Variants in ATM observed in about 807,000 individuals in gnomAD.
ATM encodes the protein serine-protein kinase ATM.
In ATM, 308 loss-of-function variants were observed where a neutral mutation model predicts 387.0. The observed-to-expected ratio is 0.80, with a 90% CI of 0.73 to 0.87. The LOEUF (loss-of-function observed/expected upper bound fraction) is 0.87, where lower values mean the gene tolerates loss of function less well. ATM is among the 40% of genes least tolerant of loss of function. The pLI is 0.00. For synonymous variants in ATM, 1,156 were observed against 1,187.3 expected (o/e 0.97, Z 0.54); for missense variants, 3,312 against 3,560.9 (o/e 0.93, Z 1.78).
chr11:108,364,958 T>C, intron 61 of ATM, 124 bp from the exon 62 acceptor site: 1 of 1,067,770 alleles, frequency 9.4e-7, no homozygotes, highest in Non-Finnish European at 1.4e-6. Flanking sequence ...GTGCATGATG[T>C]TTGTTCCCCT....
intron 27 of ATM, 41 bp downstream of exon 27, chr11:108,287,756 C>A (rs1191477044): frequency 7.1e-7 from 1 of 1,400,852 alleles, no homozygotes; most frequent in South Asian, 1.2e-5. Context: ...TCTAACTTCA[C>A]AAGTTTTTAA....
At chr11:108,263,077 G>C (rs548381286) in intron 16 of ATM, among the ~76,000 whole-genome samples, 2 of 151,388 alleles carry the variant, frequency 1.3e-5, no homozygotes, top group East Asian at 3.9e-4. Context: ...ACAGATCAAC[G>C]AGACAGAAAG....
At chr11:108,293,502 AT>A in intron 31 of ATM, 25 bp downstream of exon 31, 1 of 1,569,736 alleles carries the variant, frequency 6.4e-7, no homozygotes. Context: ...ATCATCTACT[AT>A]TTTTTATTAG....
intron 45 of ATM, among the ~76,000 whole-genome samples, chr11:108,323,988 T>C (rs1424559821): frequency 6.6e-6 from 1 of 152,172 alleles, no homozygotes; most frequent in Non-Finnish European, 1.5e-5. Context: ...TTGGGAAGTA[T>C]ACAGTTGAAA....
At chr11:108,331,389 T>C in intron 50 of ATM, 55 bp from the exon 51 acceptor site, 1 of 1,583,654 alleles carries the variant, frequency 6.3e-7, no homozygotes, top group Non-Finnish European at 8.6e-7. Context: ...TGCTTAGATG[T>C]GAGAATATTT....
chr11:108,271,060 T>TGA lies in ATM; in HGVS notation c.2839-4_2839-3insGA, dbSNP rs1385217329. The TGA allele has an allele frequency of 1.2e-6, 2 of 1,612,640 alleles. No individual in the cohort carries two copies. The highest frequency in any genetic ancestry group is 3.3e-5 in the Admixed American group (2 of 60,010). ...CCTGATTTTTTTCCCTCCTACCATC[T>TGA]TAGTATCTAATGCTTTTAAAGGAGC... is the stretch of plus-strand genomic sequence containing the variant. On this transcript the variant is annotated splice_polypyrimidine_tract_variant and splice_region_variant and intron_variant, in intron 18 of 62. Transcript: ENST00000675843.
Position 108,296,344 on chromosome 11 carries a change from G to C in ATM, c.4910-943G>C, listed in dbSNP as rs1277364578. Among the ~76,000 whole-genome samples the C allele has an allele frequency of 6.6e-6, 1 of 151,718 alleles. No homozygotes were observed. Among genetic ancestry groups the C allele is most frequent in the Non-Finnish European group, 1.5e-5 (1 of 67,956 alleles). On this transcript the variant is annotated intron_variant, in intron 32 of 62. Coordinates refer to ENST00000675843, the MANE Select transcript of ATM (RefSeq NM_000051.4). ...CAGCTCACTGCAACCTCCACCTCCTGGGTTCAAGTGATTCTCCTGCCCCAG... is the reference window on the plus strand; with the variant it reads ...CAGCTCACTGCAACCTCCACCTCCTCGGTTCAAGTGATTCTCCTGCCCCAG...
rs768851138 is a variant in ATM, at chr11:108,354,004, C to T, written c.8786+124C>T. ...GCTGAAGTGGGAGGATTGTTTGAGCCCAGGAGTTTGAGTCCAGCCTAGGCA... is the reference window on the plus strand; with the variant it reads ...GCTGAAGTGGGAGGATTGTTTGAGCTCAGGAGTTTGAGTCCAGCCTAGGCA... On this transcript the variant is annotated intron_variant, in intron 60 of 62. Coordinates refer to ENST00000675843, the MANE Select transcript of ATM (RefSeq NM_000051.4). The T allele has an allele frequency of 7.5e-4, 720 of 962,192 alleles. 6 individuals are homozygous for T. The highest frequency in any genetic ancestry group is 2.5e-3 in the South Asian group (187 of 75,912). The allele number at this position is 962,192 out of a possible 1,614,324, so 59.6% of individuals were successfully genotyped here. A position where few individuals can be genotyped will look rare whatever the true frequency, so the allele number is the denominator to read the frequency against.
intron 61 of ATM, among the ~76,000 whole-genome samples, chr11:108,364,388 C>A (rs3092993): frequency 0.11 from 16,167 of 152,126 alleles, 1,205 homozygotes; most frequent in Non-Finnish European, 0.14. Context: ...TCAGAAATTC[C>A]TCATGAACTC....
intron 45 of ATM, 56 bp from the exon 46 acceptor site, chr11:108,325,254 T>C (rs1188927550): frequency 3.0e-6 from 3 of 1,011,024 alleles, no homozygotes; most frequent in Non-Finnish European, 1.4e-6. Context: ...ACATAGTTTT[T>C]TTTTTTTTTT....
chr11:108,304,523 G>T lies in ATM; in HGVS notation c.5497-152G>T. ...ACCACCTAATACATGTTTTTTGTTTGTTTTTTTAGCAGTATGTTGAGTTTA... is the reference window on the plus strand; with the variant it reads ...ACCACCTAATACATGTTTTTTGTTTTTTTTTTTAGCAGTATGTTGAGTTTA... On this transcript the variant is annotated intron_variant, in intron 36 of 62. Transcript: ENST00000675843. 4 of 809,312 alleles carry T rather than the reference G, an allele frequency of 4.9e-6. No homozygotes were observed. In the Admixed American group the frequency reaches 1.1e-4, roughly 22 times the overall value. The allele number at this position is 809,312 out of a possible 1,614,324, so 50.1% of individuals were successfully genotyped here.
At position 108,365,237 on chromosome 11, in the gene ATM, A is replaced by G. The variant is rs1403885730; in HGVS notation, c.8987+19A>G. The G allele has an allele frequency of 6.2e-7, 1 of 1,614,112 alleles. No individual in the cohort carries two copies. The highest frequency in any genetic ancestry group is 1.3e-5 in the African/African-American group (1 of 74,948). On this transcript the variant is annotated intron_variant, in intron 62 of 62. Transcript: ENST00000675843. Reference sequence around the variant, plus strand: ...ATCTCAGGTGAGCAGTATTTTAAGAAGGTCCTGTTGTCAGTTTTTCAGATT... The same window carrying G: ...ATCTCAGGTGAGCAGTATTTTAAGAGGGTCCTGTTGTCAGTTTTTCAGATT...
intron 26 of ATM, chr11:108,287,080 T>C (rs2082530803): frequency 6.5e-6 from 1 of 153,012 alleles, no homozygotes; most frequent in South Asian, 2.1e-4. Flanking sequence ...AAAGGGGATG[T>C]GGATCGCAGC....
intron 23 of ATM, 106 bp downstream of exon 23, chr11:108,279,714 A>G (rs1032527692): frequency 2.0e-5 from 18 of 916,580 alleles, no homozygotes; most frequent in Non-Finnish European, 3.2e-5. Context: ...CCAGTAGTTT[A>G]CAGTATAAAG....
rs2135007841 is a variant in ATM, at chr11:108,227,714, T to A, written c.72+18T>A. 2 of 1,600,480 alleles carry A rather than the reference T, an allele frequency of 1.2e-6. No homozygotes were observed. Among genetic ancestry groups the A allele is most frequent in the African/African-American group, 2.7e-5 (2 of 74,084 alleles). On this transcript the variant is annotated intron_variant, in intron 2 of 62. Coordinates refer to ENST00000675843, the MANE Select transcript of ATM (RefSeq NM_000051.4). ...AACGAAAGGTAGTAAATTACTTAAA[T>A]TCAATTTTTCCTTGAAATAAGTGTG... is the stretch of plus-strand genomic sequence containing the variant.
intron 29 of ATM, 160 bp downstream of exon 29, chr11:108,289,961 T>A (rs1437803242): frequency 7.9e-6 from 5 of 632,690 alleles, no homozygotes; most frequent in Non-Finnish European, 1.1e-5. Flanking sequence ...GGGTTCAGAT[T>A]ATCCTTCCTC....
chr11:108,287,775 A>G (rs1041228959), intron 27 of ATM, 60 bp downstream of exon 27: 4 of 1,189,854 alleles, frequency 3.4e-6, no homozygotes, highest in Non-Finnish European at 3.7e-6. Context: ...AAAGAAGTTT[A>G]TTGGTTGACA....
At chr11:108,353,487 A>C (rs1179931029) in intron 59 of ATM, among the ~76,000 whole-genome samples, 3 of 152,168 alleles carry the variant, frequency 2.0e-5, no homozygotes, top group African/African-American at 7.2e-5. Flanking sequence ...TCCATTTTAA[A>C]TTATACCAGT....
rs764039368 is a variant in ATM at position 108,292,727 on chromosome 11, C to T, written c.4545C>T (p.Asn1515=). 27 of 1,613,858 alleles carry T rather than the reference C, an allele frequency of 1.7e-5. No individual in the cohort carries two copies. The highest frequency in any genetic ancestry group is 2.3e-5 in the Non-Finnish European group (27 of 1,179,942). The part of the protein sequence containing the change: ...AVTYCKDALE[N]HLHVIVGTLI... ...CTTACTGTAAGGATGCTCTAGAAAA[C>T]CATCTTCATGTTATTGTTGGTACAC... The change falls in exon 30 of 63, where the codon AAC becomes AAT. Residue 1515 remains asparagine (N), a synonymous_variant. Coordinates refer to ENST00000675843, the MANE Select transcript of ATM (RefSeq NM_000051.4).
Sources: gnomAD v4.1 joint callset for allele counts (sites outside exome capture counted in the v4.1 genomes callset) on GRCh38, gnomAD v4.1.1 for gene constraint, MANE v1.5 for transcripts, NCBI Gene and HGNC (gene_info 2026-07-23, HGNC 2026-07-21) for gene names.